Variants in PTPRK observed in about 807,000 individuals in gnomAD.
PTPRK encodes receptor-type tyrosine-protein phosphatase kappa.
A neutral mutation model predicts 178.0 loss-of-function variants in PTPRK; 75 were observed. The ratio of observed to expected loss-of-function variants is 0.42; its 90% confidence interval spans 0.35 to 0.51. PTPRK has a LOEUF of 0.51. PTPRK is among the 20% of genes least tolerant of loss of function. PTPRK has a pLI of 0.02. For missense variants in PTPRK, 1,441 were observed against 1,797.8 expected (o/e 0.80, Z 3.59); for synonymous variants, 637 against 620.6 (o/e 1.03, Z -0.39).
At chr6:128,221,789 C>T (rs1040038072) in intron 5 of PTPRK, among the ~76,000 whole-genome samples, 2 of 151,936 alleles carry the variant, frequency 1.3e-5, no homozygotes, top group Non-Finnish European at 2.9e-5. Context: ...CACTCATTCC[C>T]TTGGATAATA....
At chr6:127,988,118 A>C (rs551316193) in intron 21 of PTPRK, among the ~76,000 whole-genome samples, 1 of 150,490 alleles carries the variant, frequency 6.6e-6, no homozygotes, top group African/African-American at 2.4e-5. Flanking sequence ...CCAAATTTTC[A>C]ATATCTTATT....
Position 128,498,780 on chromosome 6 carries a change from TAGAA to T in PTPRK, c.100+21475_100+21478del, listed in dbSNP as rs529436773. On this transcript the variant is annotated intron_variant, in intron 1 of 29. Transcript: ENST00000368226. Reference sequence around the variant, plus strand: ...CTGGATACCCACATAGATAGATAAATAGAATGAATGGCAGAGAGAGAGAAGACAG... The same window carrying T: ...CTGGATACCCACATAGATAGATAAATTGAATGGCAGAGAGAGAGAAGACAG... Among the ~76,000 whole-genome samples, 3 of 152,250 alleles carry T rather than the reference TAGAA, an allele frequency of 2.0e-5. No homozygotes were observed. In the East Asian group the frequency reaches 5.8e-4, roughly 29 times the overall value.
intron 1 of PTPRK, among the ~76,000 whole-genome samples, chr6:128,443,316 G>T (rs1401384102): frequency 6.6e-6 from 1 of 152,178 alleles, no homozygotes; most frequent in East Asian, 1.9e-4. Context: ...ACGTAAGAAG[G>T]AGATGAGGGA....
At chr6:128,328,333 C>T (rs769812906) in intron 2 of PTPRK, among the ~76,000 whole-genome samples, 1 of 152,146 alleles carries the variant, frequency 6.6e-6, no homozygotes, top group Admixed American at 6.5e-5. Flanking sequence ...CTAACAAGGG[C>T]TTTGCATACA....
chr6:128,041,327 G>A lies in PTPRK; in HGVS notation c.2194+23431C>T, dbSNP rs1221590622. Among the ~76,000 whole-genome samples, 3 of 152,132 alleles carry A rather than the reference G, an allele frequency of 2.0e-5. No homozygotes were observed. In the East Asian group the frequency reaches 5.8e-4, roughly 29 times the overall value. On this transcript the variant is annotated intron_variant, in intron 13 of 29. Transcript: ENST00000368226. ...TCTAATGCATTTATTAAATCAGATA[G>A]ATAATCTTTGAAGTAATCCACATTT...
At chr6:128,180,676 T>G (rs1801764710) in intron 7 of PTPRK, among the ~76,000 whole-genome samples, 2 of 152,130 alleles carry the variant, frequency 1.3e-5, no homozygotes, top group Non-Finnish European at 2.9e-5. Flanking sequence ...CTTTAACTGT[T>G]TAAAGTATTT....
intron 3 of PTPRK, among the ~76,000 whole-genome samples, chr6:128,258,597 CA>C (rs1159113747): frequency 2.0e-5 from 3 of 152,156 alleles, no homozygotes; most frequent in Non-Finnish European, 4.4e-5. Context: ...AAACATAAAA[CA>C]AAGTTGATGT....
rs534845860 is a variant in PTPRK, at chr6:127,985,157, G to A, written c.3251+564C>T. Reference sequence around the variant, plus strand: ...TCTCTAAATGCTTGTTTTAAGAGAAGTTTCTAATCAGAAGAAAGTCTGGAT... The same window carrying A: ...TCTCTAAATGCTTGTTTTAAGAGAAATTTCTAATCAGAAGAAAGTCTGGAT... On this transcript the variant is annotated intron_variant, in intron 22 of 29. Transcript: ENST00000368226. 2.5e-3 allele frequency among the ~76,000 whole-genome samples: 388 copies of A among 152,244 alleles called. 1 individual carries two copies. The highest frequency in any genetic ancestry group is 4.4e-3 in the Non-Finnish European group (297 of 68,008).
intron 13 of PTPRK, among the ~76,000 whole-genome samples, chr6:128,033,786 A>T (rs559639581): frequency 6.6e-6 from 1 of 151,866 alleles, no homozygotes; most frequent in Non-Finnish European, 1.5e-5. Flanking sequence ...CTGAGGGGGG[A>T]GTATTTCTTG....
intron 7 of PTPRK, among the ~76,000 whole-genome samples, chr6:128,139,491 C>G (rs76250618): frequency 6.6e-6 from 1 of 151,946 alleles, no homozygotes; most frequent in African/African-American, 2.4e-5. Flanking sequence ...AACCTAGATA[C>G]AAAAACAGGT....
At chr6:127,992,015 A>G (rs1262967070) in intron 19 of PTPRK, among the ~76,000 whole-genome samples, 1 of 151,848 alleles carries the variant, frequency 6.6e-6, no homozygotes, top group Non-Finnish European at 1.5e-5. Flanking sequence ...TTAAAAGAGT[A>G]AACCTAGCTT....
At chr6:128,031,770 A>C (rs1775377269) in intron 13 of PTPRK, among the ~76,000 whole-genome samples, 1 of 152,050 alleles carries the variant, frequency 6.6e-6, no homozygotes, top group African/African-American at 2.4e-5. Flanking sequence ...TCTTGAACTA[A>C]TTTAGAACAG....
At position 127,983,235 on chromosome 6, in the gene PTPRK, T is replaced by C; in HGVS notation, c.3387+7A>G. On this transcript the variant is annotated splice_region_variant and intron_variant, in intron 23 of 29. Transcript: ENST00000368226. ...AAAAAAAGTCCACTACAGGTAAATCTACATACCTCTGTCTGGACCATATTA... is the reference window on the plus strand; with the variant it reads ...AAAAAAAGTCCACTACAGGTAAATCCACATACCTCTGTCTGGACCATATTA... 6.3e-7 allele frequency: 1 copy of C among 1,594,656 alleles called. No individual in the cohort carries two copies. Among genetic ancestry groups the C allele is most frequent in the Non-Finnish European group, 8.5e-7 (1 of 1,172,482 alleles).
At chr6:128,425,640 C>T (rs1181157211) in intron 1 of PTPRK, among the ~76,000 whole-genome samples, 1 of 152,170 alleles carries the variant, frequency 6.6e-6, no homozygotes, top group Non-Finnish European at 1.5e-5. Flanking sequence ...CAGGCTTAGT[C>T]TGCTAAAAAA....
At chr6:128,243,925 TA>T (rs1216609550) in intron 3 of PTPRK, among the ~76,000 whole-genome samples, 1 of 152,050 alleles carries the variant, frequency 6.6e-6, no homozygotes, top group African/African-American at 2.4e-5. Context: ...TGAAAGATGA[TA>T]TGGAGAGAAA....
chr6:128,263,660 A>G (rs955248546), intron 3 of PTPRK, among the ~76,000 whole-genome samples: 6 of 152,234 alleles, frequency 3.9e-5, no homozygotes, highest in African/African-American at 1.4e-4. Context: ...AATCACTTAC[A>G]TAATATAATT....
chr6:128,421,912 T>G (rs1411909814), intron 1 of PTPRK, among the ~76,000 whole-genome samples: 1 of 152,210 alleles, frequency 6.6e-6, no homozygotes, highest in East Asian at 1.9e-4. Context: ...GAACTAACAA[T>G]TCATGATTCA....
chr6:128,345,299 T>C (rs113198086), intron 2 of PTPRK, among the ~76,000 whole-genome samples: 4 of 152,288 alleles, frequency 2.6e-5, no homozygotes, highest in African/African-American at 9.6e-5. Flanking sequence ...CACATTTAGA[T>C]ACAGGCAAAA....
chr6:128,428,822 A>G (rs747201287), intron 1 of PTPRK, among the ~76,000 whole-genome samples: 1 of 152,172 alleles, frequency 6.6e-6, no homozygotes, highest in Non-Finnish European at 1.5e-5. Flanking sequence ...CCATACAGCC[A>G]TCCTGTTTTT....
Sources: allele counts gnomAD v4.1 joint callset (sites outside exome capture counted in the v4.1 genomes callset), GRCh38; gene constraint gnomAD v4.1.1; transcripts MANE v1.5; gene names NCBI Gene and HGNC (gene_info 2026-07-23, HGNC 2026-07-21).